Variants in KHDRBS2 observed in about 807,000 individuals in gnomAD.
KHDRBS2 encodes KH RNA binding domain containing, signal transduction associated 2.
A neutral mutation model predicts 44.3 loss-of-function variants in KHDRBS2; 26 were observed. The ratio of observed to expected loss-of-function variants is 0.59; its 90% CI spans 0.43 to 0.81. The LOEUF is 0.81. Among genes scored for constraint, KHDRBS2 ranks in the 40% least tolerant of loss-of-function variants. The pLI is 0.00. For missense variants in KHDRBS2, 476 were observed against 433.1 expected, an observed-to-expected ratio of 1.10 and a Z score of -0.88; for synonymous variants, 194 against 151.1, an observed-to-expected ratio of 1.28 and a Z score of -2.08.
intron 3 of KHDRBS2, among the ~76,000 whole-genome samples, chr6:62,002,596 A>G (rs564280647): frequency 1.3e-4 from 19 of 151,382 alleles, no homozygotes; most frequent in Admixed American, 1.1e-3. Context: ...TGTTTATCTG[A>G]AGATTTCAAT....
chr6:62,035,891 G>A (rs1355606965), intron 3 of KHDRBS2, among the ~76,000 whole-genome samples: 1 of 151,942 alleles, frequency 6.6e-6, no homozygotes, highest in Non-Finnish European at 1.5e-5. Flanking sequence ...GGCACTTTTG[G>A]TTTACAACTT....
At chr6:62,122,477 G>C (rs558369838) in intron 2 of KHDRBS2, among the ~76,000 whole-genome samples, 1 of 152,258 alleles carries the variant, frequency 6.6e-6, no homozygotes, top group African/African-American at 2.4e-5. Context: ...TCATCAAATG[G>C]AAGTGGTAAA....
At chr6:61,606,239 C>T in the KHDRBS2 span, among the ~76,000 whole-genome samples, 2 of 152,192 alleles carry the variant, frequency 1.3e-5, no homozygotes, top group Non-Finnish European at 2.9e-5. Flanking sequence ...CACACAAAGC[C>T]TGTTTGGTGG....
intron 2 of KHDRBS2, among the ~76,000 whole-genome samples, chr6:62,105,233 C>G (rs1230542393): frequency 1.3e-5 from 2 of 152,080 alleles, no homozygotes; most frequent in South Asian, 2.1e-4. Context: ...CCAATTCTTC[C>G]AAAAAGTTGA....
At chr6:62,220,313 G>C (rs1830691419) in intron 1 of KHDRBS2, among the ~76,000 whole-genome samples, 1 of 151,902 alleles carries the variant, frequency 6.6e-6, no homozygotes, top group Non-Finnish European at 1.5e-5. Context: ...TCAGATGAGA[G>C]TGCATAGATG....
chr6:62,279,140 A>G (rs1841438987), intron 1 of KHDRBS2, among the ~76,000 whole-genome samples: 1 of 152,014 alleles, frequency 6.6e-6, no homozygotes, highest in African/African-American at 2.4e-5. Context: ...AAGCAGACAC[A>G]CACAAAGCCT....
intron 2 of KHDRBS2, among the ~76,000 whole-genome samples, chr6:62,095,001 C>T (rs759606239): frequency 4.6e-5 from 7 of 151,860 alleles, no homozygotes; most frequent in Non-Finnish European, 8.8e-5. Flanking sequence ...TGTGCTACCA[C>T]CAGCTTTGTT....
intron 1 of KHDRBS2, among the ~76,000 whole-genome samples, chr6:62,236,887 A>G (rs1833793062): frequency 6.6e-6 from 1 of 152,162 alleles, no homozygotes; most frequent in African/African-American, 2.4e-5. Context: ...TCCTCAATAA[A>G]TTCATCATTT....
intron 3 of KHDRBS2, among the ~76,000 whole-genome samples, chr6:62,013,447 A>G (rs1192105178): frequency 6.6e-6 from 1 of 152,020 alleles, no homozygotes; most frequent in East Asian, 1.9e-4. Flanking sequence ...TTTATTTTAC[A>G]TCTTCAACAT....
At chr6:62,053,388 G>A (rs1789520877) in intron 2 of KHDRBS2, among the ~76,000 whole-genome samples, 1 of 151,652 alleles carries the variant, frequency 6.6e-6, no homozygotes. Context: ...AACCCACTTG[G>A]CAAAATAGTA....
At chr6:61,828,080 A>C (rs2127259125) in intron 6 of KHDRBS2, among the ~76,000 whole-genome samples, 1 of 152,300 alleles carries the variant, frequency 6.6e-6, no homozygotes, top group Middle Eastern at 3.4e-3. Context: ...GTCTGATGTG[A>C]GAAAGAAGGA....
chr6:61,830,700 T>C (rs1191786313), intron 6 of KHDRBS2, among the ~76,000 whole-genome samples: 1 of 152,194 alleles, frequency 6.6e-6, no homozygotes, highest in Non-Finnish European at 1.5e-5. Context: ...TCTAATGTCA[T>C]GTCCTGGGTA....
chr6:61,922,166 G>A (rs1435427866), intron 4 of KHDRBS2, among the ~76,000 whole-genome samples: 1 of 151,868 alleles, frequency 6.6e-6, no homozygotes, highest in Non-Finnish European at 1.5e-5. Context: ...GGAGTAACTT[G>A]GACCACATTT....
At chr6:61,685,636 G>A (rs376170919) in intron 8 of KHDRBS2, among the ~76,000 whole-genome samples, 1 of 151,718 alleles carries the variant, frequency 6.6e-6, no homozygotes, top group Admixed American at 6.6e-5. Context: ...GGTAGTCAGC[G>A]TCACTGAGGA....
chr6:61,799,179 C>CA (rs967391789), intron 6 of KHDRBS2, among the ~76,000 whole-genome samples: 4 of 151,592 alleles, frequency 2.6e-5, no homozygotes, highest in South Asian at 2.1e-4. Flanking sequence ...TTTTAAAAAA[C>CA]AAAAAAAGCA....
At chr6:62,194,370 A>G (rs576216488) in intron 1 of KHDRBS2, among the ~76,000 whole-genome samples, 34 of 151,910 alleles carry the variant, frequency 2.2e-4, no homozygotes, top group African/African-American at 7.7e-4. Flanking sequence ...AAAAAAAACC[A>G]ATTAACCATG....
intron 3 of KHDRBS2, among the ~76,000 whole-genome samples, chr6:62,026,635 A>G (rs1344758196): frequency 6.6e-6 from 1 of 151,372 alleles, no homozygotes; most frequent in Admixed American, 6.6e-5. Flanking sequence ...CATTATGATT[A>G]TGTTGCCCCA....
chr6:61,550,154 A>G, the KHDRBS2 span, among the ~76,000 whole-genome samples: 11 of 152,122 alleles, frequency 7.2e-5, no homozygotes, highest in Middle Eastern at 3.4e-3. Flanking sequence ...CACCCAGGTA[A>G]CAAGCATAGT....
At position 61,832,029 on chromosome 6, in the gene KHDRBS2, C is replaced by T. The variant is rs147144623; in HGVS notation, c.810+62606G>A. Among the ~76,000 whole-genome samples the T allele has an allele frequency of 3.1e-4, 47 of 152,158 alleles. No individual in the cohort carries two copies. In the East Asian group the frequency reaches 9.1e-3, roughly 29 times the overall value. On this transcript the variant is annotated intron_variant, in intron 6 of 8. Transcript: ENST00000281156. ...ACCAAGGTGGGAGGACTGATTGAGTCCAGGAGTTTGAGATGAGCCTGGGCA... is the reference window on the plus strand; with the variant it reads ...ACCAAGGTGGGAGGACTGATTGAGTTCAGGAGTTTGAGATGAGCCTGGGCA...
Sources: allele counts gnomAD v4.1 joint callset (sites outside exome capture counted in the v4.1 genomes callset), GRCh38; gene constraint gnomAD v4.1.1; transcripts MANE v1.5; gene names NCBI Gene and HGNC (gene_info 2026-07-23, HGNC 2026-07-21).